Variants in LSM12 observed in about 807,000 individuals in gnomAD.
LSM12 encodes LSM12 homolog.
For missense variants in LSM12, 108 were observed against 238.9 expected (o/e 0.45, Z 3.61); for synonymous variants, 74 against 87.3 (o/e 0.85, Z 0.85).
In LSM12 at chr17:44,063,820, G is replaced by A. The variant is rs974671945; in HGVS notation, c.239C>T (p.Ala80Val). 1.9e-6 allele frequency: 3 copies of A among 1,613,810 alleles called. No homozygotes were observed. Among genetic ancestry groups the A allele is most frequent in the Non-Finnish European group, 2.5e-6 (3 of 1,179,964 alleles). ...CCTTACCTTACTAACATTGAGTGAA[G>A]CTAGGGGAGGAGGGGTTTCTGTTCG... ...NDRTETPPPL[A>V]SLNVSKLASK... Residue 80 changes from alanine to valine, a missense_variant, in exon 2 of 5, where the codon GCT becomes GTT. Transcript: ENST00000293406.
chr17:44,037,283 G>A, intron 4 of LSM12, 129 bp downstream of exon 4: 1 of 1,154,140 alleles, frequency 8.7e-7, no homozygotes, highest in East Asian at 2.6e-5. Flanking sequence ...GGAAGGCAGG[G>A]AGGCCAGACA....
At position 44,036,268 on chromosome 17, in the gene LSM12, T is replaced by C; in HGVS notation, c.528A>G (p.Gln176=). 2 of 1,613,922 alleles carry C rather than the reference T, an allele frequency of 1.2e-6. No individual in the cohort carries two copies. Among genetic ancestry groups the C allele is most frequent in the Non-Finnish European group, 8.5e-7 (1 of 1,179,974 alleles). The change falls in exon 5 of 5, where the codon CAA becomes CAG. Residue 176 remains glutamine (Q), a synonymous_variant. Transcript: ENST00000293406. ...VEKHFRDVES[Q]KILQRSQAQQ... is the part of the protein sequence containing the mutation. ...GGGCTTGTGAACGTTGCAGTATCTT[T>C]TGGCTTTCCACGTCTCTAAAATGTT...
chr17:44,043,297 T>G (rs527520607), intron 2 of LSM12, among the ~76,000 whole-genome samples: 1 of 152,230 alleles, frequency 6.6e-6, no homozygotes, highest in East Asian at 1.9e-4. Flanking sequence ...CTCTAGGACA[T>G]GGAGAGAGAC....
chr17:44,055,715 T>A (rs1270730986), intron 2 of LSM12, among the ~76,000 whole-genome samples: 2 of 144,758 alleles, frequency 1.4e-5, no homozygotes, highest in African/African-American at 5.0e-5. Flanking sequence ...ATATATAAAA[T>A]ATATATAAAA....
intron 2 of LSM12, among the ~76,000 whole-genome samples, chr17:44,046,490 G>A (rs908846426): frequency 4.0e-4 from 60 of 151,014 alleles, no homozygotes; most frequent in Admixed American, 7.9e-4. Context: ...GATGGATCAC[G>A]GGGTCAGGAG....
intron 3 of LSM12, among the ~76,000 whole-genome samples, 173 bp from the exon 4 acceptor site, chr17:44,037,711 T>A (rs1365306740): frequency 6.6e-6 from 1 of 152,130 alleles, no homozygotes; most frequent in Non-Finnish European, 1.5e-5. Context: ...TGGGTGCCAC[T>A]GGCTAGAAAA....
At chr17:44,045,025 A>T (rs2049542834) in intron 2 of LSM12, among the ~76,000 whole-genome samples, 2 of 152,114 alleles carry the variant, frequency 1.3e-5, no homozygotes, top group African/African-American at 4.8e-5. Flanking sequence ...ATTACTTTTT[A>T]AAATCTATTT....
chr17:44,053,955 C>A (rs1002331062), intron 2 of LSM12, among the ~76,000 whole-genome samples: 3 of 152,126 alleles, frequency 2.0e-5, no homozygotes, highest in Non-Finnish European at 2.9e-5. Context: ...CACCACTGAC[C>A]CACCCTAATG....
At chr17:44,038,383 G>T (rs2016540) in intron 3 of LSM12, among the ~76,000 whole-genome samples, 2,530 of 151,162 alleles carry the variant, frequency 0.017, 61 homozygotes, top group African/African-American at 0.058. Flanking sequence ...AGAAAGGCCA[G>T]GCACAGTGGC....
At chr17:44,060,521 C>G (rs550255444) in intron 2 of LSM12, among the ~76,000 whole-genome samples, 3 of 152,276 alleles carry the variant, frequency 2.0e-5, no homozygotes, top group African/African-American at 7.2e-5. Context: ...TCTCTGCAAA[C>G]GGAAGAATGA....
At position 44,035,690 on chromosome 17, in the gene LSM12, A is replaced by G. The variant is rs1043712616; in HGVS notation, c.*518T>C. 1 of 141,422 alleles carries G rather than the reference A, an allele frequency of 7.1e-6. No individual in the cohort carries two copies. Among genetic ancestry groups the G allele is most frequent in the African/African-American group, 2.6e-5 (1 of 38,980 alleles). The allele number at this position is 141,422 out of a possible 1,614,324, so 8.8% of individuals were successfully genotyped here. ...CCATGCCCTGTGCAAAAAAAAAAAAAAAAAGAAAAAAGAAAAAAAAAGGAA... is the reference window on the plus strand; with the variant it reads ...CCATGCCCTGTGCAAAAAAAAAAAAGAAAAGAAAAAAGAAAAAAAAAGGAA... On this transcript the variant is annotated 3_prime_UTR_variant, in exon 5 of 5. Coordinates refer to ENST00000293406, the MANE Select transcript of LSM12 (RefSeq NM_001371445.1).
chr17:44,058,488 G>T (rs1427472579), intron 2 of LSM12, among the ~76,000 whole-genome samples: 2 of 151,940 alleles, frequency 1.3e-5, no homozygotes, highest in African/African-American at 4.8e-5. Flanking sequence ...GATTGCTTGA[G>T]CCCAGGAGTT....
intron 3 of LSM12, among the ~76,000 whole-genome samples, chr17:44,038,417 T>G (rs1003744920): frequency 2.6e-5 from 4 of 151,086 alleles, no homozygotes; most frequent in Admixed American, 2.0e-4. Context: ...CCCAGCACTT[T>G]GGAGGCCGAA....
At chr17:44,065,405 C>A (rs1399604400) in intron 1 of LSM12, among the ~76,000 whole-genome samples, 1 of 148,978 alleles carries the variant, frequency 6.7e-6, no homozygotes, top group Non-Finnish European at 1.5e-5. Flanking sequence ...TGCGCCACCG[C>A]ACTCCATCCT....
chr17:44,061,343 G>A (rs765580639), intron 2 of LSM12, among the ~76,000 whole-genome samples: 2 of 149,182 alleles, frequency 1.3e-5, no homozygotes, highest in Non-Finnish European at 3.0e-5. Context: ...AAACACCAAG[G>A]AATAAATTAT....
At chr17:44,064,912 T>A (rs1305741870) in intron 1 of LSM12, among the ~76,000 whole-genome samples, 1 of 151,842 alleles carries the variant, frequency 6.6e-6, no homozygotes, top group Non-Finnish European at 1.5e-5. Context: ...GGCGGGTGGA[T>A]CACGAGGTCA....
At chr17:44,048,237 T>G (rs574586286) in intron 2 of LSM12, among the ~76,000 whole-genome samples, 1 of 152,088 alleles carries the variant, frequency 6.6e-6, no homozygotes, top group Non-Finnish European at 1.5e-5. Context: ...ATCCCAGCAC[T>G]TTGGGAGGCC....
chr17:44,055,620 TG>T (rs1382660137), intron 2 of LSM12, among the ~76,000 whole-genome samples: 1 of 148,976 alleles, frequency 6.7e-6, no homozygotes, highest in African/African-American at 2.5e-5. Context: ...GAGGTTGCAG[TG>T]AGCAGAGATC....
Position 44,045,910 on chromosome 17 carries a change from G to C in LSM12, c.259-5654C>G, listed in dbSNP as rs2049556725. Among the ~76,000 whole-genome samples the C allele has an allele frequency of 2.0e-5, 3 of 147,872 alleles. No individual in the cohort carries two copies. The South Asian group carries it at 6.6e-4, about 33-fold the overall frequency. On this transcript the variant is annotated intron_variant, in intron 2 of 4. Coordinates refer to ENST00000293406, the MANE Select transcript of LSM12 (RefSeq NM_001371445.1). ...TGGCAGCAGTCACACACAAGTCTTT[G>C]TGTATGTAAAAGTAAAAATATTTTA...
Sources: gnomAD v4.1 joint callset for allele counts (sites outside exome capture counted in the v4.1 genomes callset) on GRCh38, gnomAD v4.1.1 for gene constraint, MANE v1.5 for transcripts, NCBI Gene and HGNC (gene_info 2026-07-23, HGNC 2026-07-21) for gene names.